Variants in IQCK observed in about 807,000 individuals in gnomAD.
IQCK encodes IQ domain-containing protein K.
IQCK carries 29 observed loss-of-function variants against 28.1 expected under a neutral mutation model. The observed-to-expected ratio is 1.03, with a 90% CI of 0.77 to 1.41. The LOEUF is 1.41. Ranked by LOEUF, IQCK falls within the 40% of genes most tolerant of loss-of-function variation. The pLI, the probability that IQCK is intolerant of heterozygous loss-of-function variation, is 0.00. For synonymous variants in IQCK, 113 were observed against 115.1 expected (o/e 0.98, Z 0.12); for missense variants, 359 against 314.7 (o/e 1.14, Z -1.07).
chr16:19,807,205 G>T (rs532361740), intron 7 of IQCK, among the ~76,000 whole-genome samples: 84 of 152,324 alleles, frequency 5.5e-4, no homozygotes, highest in Admixed American at 7.2e-4. Flanking sequence ...AGCCATTGTG[G>T]AAGTGGATCC....
chr16:19,769,182 G>A (rs1412869179), intron 6 of IQCK, among the ~76,000 whole-genome samples: 2 of 152,202 alleles, frequency 1.3e-5, no homozygotes, highest in South Asian at 4.1e-4. Context: ...TACCTTTTAT[G>A]ACCTAGTCTT....
intron 6 of IQCK, among the ~76,000 whole-genome samples, chr16:19,784,287 G>T (rs536259584): frequency 1.3e-5 from 2 of 151,844 alleles, no homozygotes; most frequent in East Asian, 1.9e-4. Context: ...CCCTGACTTC[G>T]ATGCTACTGA....
chr16:19,734,854 G>A (rs1007050374), intron 3 of IQCK, among the ~76,000 whole-genome samples: 4 of 152,032 alleles, frequency 2.6e-5, no homozygotes, highest in Admixed American at 2.6e-4. Context: ...GGAAGCAGGG[G>A]TGTATACTGC....
chr16:19,839,309 C>T (rs1176932765), intron 9 of IQCK, among the ~76,000 whole-genome samples: 4 of 151,584 alleles, frequency 2.6e-5, no homozygotes, highest in Admixed American at 2.6e-4. Flanking sequence ...TACAGGCGCA[C>T]GCCATCACAC....
At chr16:19,838,625 C>T (rs1447547800) in intron 9 of IQCK, among the ~76,000 whole-genome samples, 1 of 152,180 alleles carries the variant, frequency 6.6e-6, no homozygotes, top group Non-Finnish European at 1.5e-5. Context: ...CTGCAAAGAT[C>T]CGCAATCCTC....
chr16:19,763,752 C>T, intron 4 of IQCK, 96 bp from the exon 5 acceptor site: 1 of 958,528 alleles, frequency 1.0e-6, no homozygotes, highest in East Asian at 2.4e-5. Context: ...CAGTGTTAAG[C>T]TTTATTGAAA....
At chr16:19,737,492 TTGACAGGCGTCACCA>T (rs1023869758) in intron 4 of IQCK, among the ~76,000 whole-genome samples, 2 of 152,276 alleles carry the variant, frequency 1.3e-5, no homozygotes, top group Non-Finnish European at 1.5e-5. Flanking sequence ...TAACATTCCT[TTGACAGGCGTCACCA>T]TGACAGTTGT....
intron 1 of IQCK, 89 bp downstream of exon 1, chr16:19,718,576 C>A (rs1977343165): frequency 3.4e-5 from 43 of 1,249,422 alleles, no homozygotes; most frequent in Non-Finnish European, 4.4e-5. Flanking sequence ...CGCCTGTCGG[C>A]TGACGGGCGG....
chr16:19,783,641 C>G (rs1269841509), intron 6 of IQCK, among the ~76,000 whole-genome samples: 1 of 152,106 alleles, frequency 6.6e-6, no homozygotes, highest in Non-Finnish European at 1.5e-5. Context: ...AGCTGGCCTG[C>G]TGAAATGATT....
chr16:19,856,414 T>C, intron 9 of IQCK, 73 bp from the exon 9 acceptor site: 2 of 1,279,580 alleles, frequency 1.6e-6, no homozygotes, highest in Middle Eastern at 1.8e-4. Flanking sequence ...CACATCAGAG[T>C]TTCCGGTTTC....
intron 7 of IQCK, among the ~76,000 whole-genome samples, chr16:19,822,379 C>G (rs191712657): frequency 1.7e-5 from 2 of 117,892 alleles, no homozygotes; most frequent in African/African-American, 6.9e-5. Flanking sequence ...GAGTGAGACT[C>G]TGTCTCAAAA....
chr16:19,833,490 T>C (rs1325420135), intron 9 of IQCK, among the ~76,000 whole-genome samples: 1 of 152,218 alleles, frequency 6.6e-6, no homozygotes, highest in Non-Finnish European at 1.5e-5. Context: ...ATTTATTGTG[T>C]CCTCAAGATT....
At chr16:19,775,151 C>T (rs1008523434) in intron 6 of IQCK, among the ~76,000 whole-genome samples, 6 of 150,378 alleles carry the variant, frequency 4.0e-5, no homozygotes, top group East Asian at 2.0e-4. Context: ...CACTTGAACC[C>T]GGGAGGTGGA....
At chr16:19,850,631 C>T (rs1013169734) in intron 9 of IQCK, among the ~76,000 whole-genome samples, 1 of 152,156 alleles carries the variant, frequency 6.6e-6, no homozygotes, top group Admixed American at 6.5e-5. Context: ...AGTATGTGAG[C>T]ATCTCGTGGT....
intron 4 of IQCK, among the ~76,000 whole-genome samples, chr16:19,757,296 T>G (rs747935088): frequency 1.7e-4 from 26 of 152,232 alleles, no homozygotes; most frequent in Non-Finnish European, 2.9e-4. Context: ...CTTCTCAGCC[T>G]TCAGTCCTCC....
At chr16:19,775,157 G>A (rs2151721174) in intron 6 of IQCK, among the ~76,000 whole-genome samples, 1 of 151,680 alleles carries the variant, frequency 6.6e-6, no homozygotes, top group East Asian at 1.9e-4. Context: ...AACCCGGGAG[G>A]TGGAGATTGC....
chr16:19,756,754 G>A (rs760190936), intron 4 of IQCK, among the ~76,000 whole-genome samples: 46 of 152,174 alleles, frequency 3.0e-4, no homozygotes, highest in South Asian at 8.3e-4. Flanking sequence ...AAAATTAGCC[G>A]GGCGTGGTGG....
chr16:19,718,419 A>C (rs1977327351), exon 1 of IQCK: 1 of 1,606,306 alleles, frequency 6.2e-7, no homozygotes. Context: ...GCGTCCCGCG[A>C]GCTGCCTGTC....
chr16:19,719,547 G>A (rs780174726), intron 1 of IQCK, among the ~76,000 whole-genome samples: 6 of 150,130 alleles, frequency 4.0e-5, no homozygotes, highest in African/African-American at 1.2e-4. Context: ...CCGAGTTTGC[G>A]CCACTGCACT....
Sources: allele counts gnomAD v4.1 joint callset (sites outside exome capture counted in the v4.1 genomes callset), GRCh38; gene constraint gnomAD v4.1.1; transcripts MANE v1.5; gene names NCBI Gene and HGNC (gene_info 2026-07-23, HGNC 2026-07-21).